The following TBC1D32 variants were observed in gnomAD, a reference collection of about 807,000 sequenced individuals.
TBC1D32 encodes protein broad-minded.
Under a neutral mutation model 170.3 loss-of-function variants are expected in TBC1D32, and 151 were observed. The observed-to-expected ratio is 0.89, with a 90% CI of 0.78 to 1.01. The LOEUF is 1.01. Ranked by LOEUF, TBC1D32 falls within the 50% of genes least tolerant of loss-of-function variation. The pLI is 0.00. For missense variants in TBC1D32, 1,464 were observed against 1,457.1 expected (o/e 1.00, Z -0.08); for synonymous variants, 498 against 488.0 (o/e 1.02, Z -0.27).
In TBC1D32 at chr6:121,211,994, A is replaced by AACACACAC. The variant is rs66924686; in HGVS notation, c.2482-6839_2482-6832dup. Among the ~76,000 whole-genome samples, 62 of 148,636 alleles carry AACACACAC rather than the reference A, an allele frequency of 4.2e-4. 1 individual carries two copies. Among genetic ancestry groups the AACACACAC allele is most frequent in the African/African-American group, 1.5e-3 (60 of 40,312 alleles). ...AATAAATAAATGAATGAACAAACAC[A>AACACACAC]ACACACACACACACACACACACACA... is the stretch of plus-strand genomic sequence containing the variant. On this transcript the variant is annotated intron_variant, in intron 21 of 31. Transcript: ENST00000398212.
At position 121,080,070 on chromosome 6, in the gene TBC1D32, T is replaced by C. The variant is rs148821419; in HGVS notation, c.*701A>G. The C allele has an allele frequency of 2.0e-5, 3 of 152,356 alleles. No homozygotes were observed. Among genetic ancestry groups the C allele is most frequent in the South Asian group, 4.1e-4 (2 of 4,846 alleles). The allele number at this position is 152,356 out of a possible 1,614,324, so 9.4% of individuals were successfully genotyped here. On this transcript the variant is annotated 3_prime_UTR_variant, in exon 32 of 32. Coordinates refer to ENST00000398212, the MANE Select transcript of TBC1D32 (RefSeq NM_152730.6). Reference sequence around the variant, plus strand: ...CCATTTTCCTTTACATGTACAGACATAAAGAATGGAAGAAATACTGTCTTT... The same window carrying C: ...CCATTTTCCTTTACATGTACAGACACAAAGAATGGAAGAAATACTGTCTTT...
At chr6:121,218,220 A>C (rs1794071898) in intron 21 of TBC1D32, among the ~76,000 whole-genome samples, 1 of 152,238 alleles carries the variant, frequency 6.6e-6, no homozygotes, top group South Asian at 2.1e-4. Context: ...AGACCAGAAA[A>C]GAAGGAAGAG....
intron 22 of TBC1D32, among the ~76,000 whole-genome samples, chr6:121,169,182 C>T (rs188530866): frequency 6.6e-6 from 1 of 152,258 alleles, no homozygotes; most frequent in Admixed American, 6.5e-5. Context: ...TACAAGGCTA[C>T]ACTAACCAAA....
chr6:121,149,124 T>A (rs1440332752), intron 24 of TBC1D32, among the ~76,000 whole-genome samples: 1 of 152,234 alleles, frequency 6.6e-6, no homozygotes, highest in East Asian at 1.9e-4. Context: ...CTTGTAAATT[T>A]GTTTAAGTTC....
chr6:121,154,744 GT>G (rs1411844446), intron 24 of TBC1D32, among the ~76,000 whole-genome samples: 2 of 152,108 alleles, frequency 1.3e-5, no homozygotes, highest in Admixed American at 1.3e-4. Context: ...TACCAACAGA[GT>G]AAACAGACAA....
chr6:121,119,732 T>C (rs2128205764), intron 26 of TBC1D32, among the ~76,000 whole-genome samples: 1 of 152,286 alleles, frequency 6.6e-6, no homozygotes, highest in Admixed American at 6.5e-5. Context: ...GTTTGTTCTT[T>C]CCTCTTTCTT....
chr6:121,148,926 C>G (rs962675593), intron 24 of TBC1D32, among the ~76,000 whole-genome samples: 6 of 152,168 alleles, frequency 3.9e-5, no homozygotes, highest in Non-Finnish European at 7.3e-5. Flanking sequence ...CCATTGTTAC[C>G]TGACTTTTTA....
At chr6:121,210,534 T>C (rs1325649479) in intron 21 of TBC1D32, among the ~76,000 whole-genome samples, 1 of 152,226 alleles carries the variant, frequency 6.6e-6, no homozygotes, top group Non-Finnish European at 1.5e-5. Flanking sequence ...TCTAGAAATC[T>C]AGCCTGAAGA....
chr6:121,085,324 TATATATACATAC>T (rs1776127025), intron 31 of TBC1D32, among the ~76,000 whole-genome samples: 1 of 133,368 alleles, frequency 7.5e-6, no homozygotes, highest in South Asian at 2.3e-4. Context: ...TATACACATA[TATATATACATAC>T]ATATATATAC....
chr6:121,320,281 A>T (rs1809536612), intron 2 of TBC1D32, among the ~76,000 whole-genome samples: 1 of 151,716 alleles, frequency 6.6e-6, no homozygotes, highest in African/African-American at 2.4e-5. Flanking sequence ...CATGGTTCAT[A>T]AAGTGGAAAA....
At chr6:121,246,643 A>G (rs1797656691) in intron 17 of TBC1D32, among the ~76,000 whole-genome samples, 2 of 151,912 alleles carry the variant, frequency 1.3e-5, no homozygotes, top group African/African-American at 4.8e-5. Flanking sequence ...AAAACAATTC[A>G]GTATATGAAA....
chr6:121,091,124 T>C (rs1291152402), intron 30 of TBC1D32, 83 bp from the exon 31 acceptor site: 28 of 1,133,982 alleles, frequency 2.5e-5, no homozygotes, highest in Non-Finnish European at 3.4e-5. Context: ...CAATAACTCA[T>C]ACAAAACCAG....
At chr6:121,307,599 C>T (rs1807523099) in intron 5 of TBC1D32, among the ~76,000 whole-genome samples, 1 of 152,170 alleles carries the variant, frequency 6.6e-6, no homozygotes, top group Non-Finnish European at 1.5e-5. Flanking sequence ...GTGGCCCATG[C>T]CTGTAATCCC....
intron 2 of TBC1D32, among the ~76,000 whole-genome samples, chr6:121,320,233 A>G (rs1809524519): frequency 6.8e-6 from 1 of 147,806 alleles, no homozygotes; most frequent in African/African-American, 2.5e-5. Context: ...AAAACTGGGA[A>G]AAAAAAAAAA....
intron 22 of TBC1D32, among the ~76,000 whole-genome samples, chr6:121,196,482 T>C (rs1790752751): frequency 1.3e-5 from 2 of 152,198 alleles, no homozygotes; most frequent in African/African-American, 4.8e-5. Context: ...GAATAGACAC[T>C]TACTCCAGAT....
rs746846120 is a variant in TBC1D32 at position 121,090,873 on chromosome 6, C to A, written c.3634G>T (p.Asp1212Tyr). The A allele has an allele frequency of 1.2e-6, 2 of 1,610,076 alleles. No individual in the cohort carries two copies. The highest frequency in any genetic ancestry group is 1.7e-6 in the Non-Finnish European group (2 of 1,178,918). ...QDILQHTQTQ[D>Y]LQVFLKEEAL... is the part of the protein sequence containing the mutation. Reference sequence around the variant, plus strand: ...CTTACTTTTAGGAAAACTTGCAGATCTTGAGTCTGAGTGTGCTGTAGAATG... The same window carrying A: ...CTTACTTTTAGGAAAACTTGCAGATATTGAGTCTGAGTGTGCTGTAGAATG... Residue 1212 changes from aspartate (D) to tyrosine (Y), a missense_variant, in exon 31 of 32, where the codon GAT (aspartate) becomes TAT (tyrosine). Physicochemically the swap from Asp to Tyr is radical, Grantham distance 160. Around this residue, in one of 3 missense-constraint regions of TBC1D32, gnomAD observed 97 missense variants for 102.0 expected, o/e 0.95. Transcript: ENST00000398212.
At chr6:121,259,212 C>T (rs1172357767) in intron 15 of TBC1D32, among the ~76,000 whole-genome samples, 1 of 151,906 alleles carries the variant, frequency 6.6e-6, no homozygotes, top group Non-Finnish European at 1.5e-5. Flanking sequence ...GCAGGAGAAT[C>T]GCTTGAACCC....
At chr6:121,117,882 A>T (rs1779851712) in intron 26 of TBC1D32, among the ~76,000 whole-genome samples, 1 of 152,184 alleles carries the variant, frequency 6.6e-6, no homozygotes, top group Non-Finnish European at 1.5e-5. Context: ...CTTTTATTAT[A>T]CAAAACTCTG....
intron 15 of TBC1D32, among the ~76,000 whole-genome samples, chr6:121,273,478 C>T (rs963248676): frequency 6.1e-5 from 9 of 147,376 alleles, no homozygotes; most frequent in African/African-American, 2.0e-4. Context: ...CATCACACAC[C>T]GGGGCCTGTC....
Sources: gnomAD v4.1 joint callset for allele counts (sites outside exome capture counted in the v4.1 genomes callset) on GRCh38, gnomAD v4.1.1 for gene constraint, gnomAD v4.1.1 regional missense constraint, MANE v1.5 for transcripts, NCBI Gene and HGNC (gene_info 2026-07-23, HGNC 2026-07-21) for gene names.